Variants in SPNS1 observed in about 807,000 individuals in gnomAD.
SPNS1 encodes protein spinster homolog 1.
A neutral mutation model predicts 50.3 loss-of-function variants in SPNS1; 22 were observed. The observed-to-expected ratio is 0.44, with a 90% CI of 0.31 to 0.62. The LOEUF is 0.62. Among genes scored for constraint, SPNS1 ranks in the 20% least tolerant of loss-of-function variants. The probability of loss-of-function intolerance (pLI) is 0.07; values close to 1 mark genes in which losing one functional copy is unlikely to be tolerated. For missense variants in SPNS1, 576 were observed against 728.6 expected (o/e 0.79, Z 2.41); for synonymous variants, 295 against 317.4 (o/e 0.93, Z 0.75).
In SPNS1 at chr16:28,979,533, C is replaced by T. The variant is rs747865111; in HGVS notation, c.663+62C>T. On this transcript the variant is annotated intron_variant, in intron 5 of 11. Transcript: ENST00000311008. ...GTTCTCACTGATCCCTGTTTCCTAC[C>T]TTTGGACCCCTTCCCACCGCCCATT... is the stretch of plus-strand genomic sequence containing the variant. 3.9e-6 allele frequency: 6 copies of T among 1,555,342 alleles called. No individual in the cohort carries two copies. In the Admixed American group the frequency reaches 8.4e-5, roughly 22 times the overall value.
At chr16:28,976,005 C>T (rs908298016) in intron 2 of SPNS1, among the ~76,000 whole-genome samples, 1 of 152,186 alleles carries the variant, frequency 6.6e-6, no homozygotes, top group Non-Finnish European at 1.5e-5. Flanking sequence ...GGTGTGGTGA[C>T]TCACGCCTGT....
chr16:28,977,887 T>C (rs1417274949), intron 2 of SPNS1, 21 bp from the exon 3 acceptor site: 2 of 1,612,132 alleles, frequency 1.2e-6, no homozygotes, highest in East Asian at 4.5e-5. Flanking sequence ...GGCTGAGCTG[T>C]GACTCTCTGC....
Position 28,979,326 on chromosome 16 carries a change from G to A in SPNS1, c.596+20G>A, listed in dbSNP as rs369747773. On this transcript the variant is annotated intron_variant, in intron 4 of 11. Transcript: ENST00000311008. ...GGGCAGGTGAGTGGGCCTGGGGCCT[G>A]GGGGAAGGCAGAAGGGCCTGGTGTG... The A allele has an allele frequency of 7.4e-6, 12 of 1,614,012 alleles. No homozygotes were observed. Among genetic ancestry groups the A allele is most frequent in the African/African-American group, 2.7e-5 (2 of 74,926 alleles).
At position 28,974,867 on chromosome 16, in the gene SPNS1, A is replaced by G. The variant is rs544593872; in HGVS notation, c.-285A>G. The G allele has an allele frequency of 3.3e-5, 51 of 1,535,088 alleles. No homozygotes were observed. The African/African-American group carries it at 6.3e-4, about 19-fold the overall frequency. On this transcript the variant is annotated 5_prime_UTR_variant, in exon 1 of 12. Coordinates refer to ENST00000311008, the MANE Select transcript of SPNS1 (RefSeq NM_032038.3). ...GTGCAGCGGGCTCCTACCCCGGGTG[A>G]GGGGTGGCCTCCGCGTGGGATCGTG...
rs1361530165 is a variant in SPNS1 at position 28,983,607 on chromosome 16, T to C, written c.1321-179T>C. Among the ~76,000 whole-genome samples, 1 of 152,056 alleles carries C rather than the reference T, an allele frequency of 6.6e-6. No homozygotes were observed. The highest frequency in any genetic ancestry group is 1.9e-4 in the East Asian group (1 of 5,186). ...GCCTCGACCTCCTGGGCTCAAGCGATCCTCCCACCTCAGCCTCCTGAGTAG... is the reference window on the plus strand; with the variant it reads ...GCCTCGACCTCCTGGGCTCAAGCGACCCTCCCACCTCAGCCTCCTGAGTAG... On this transcript the variant is annotated intron_variant, in intron 10 of 11. Transcript: ENST00000311008. The surrounding 1 kb of genome is among the most constrained non-coding windows in gnomAD (Gnocchi z 5.4).
At position 28,982,942 on chromosome 16, in the gene SPNS1, C is replaced by T. The variant is rs372684773; in HGVS notation, c.1221+20C>T. 15 of 1,613,134 alleles carry T rather than the reference C, an allele frequency of 9.3e-6. No homozygotes were observed. In the South Asian group the frequency reaches 1.3e-4, roughly 14 times the overall value. On this transcript the variant is annotated intron_variant, in intron 9 of 11. Coordinates refer to ENST00000311008, the MANE Select transcript of SPNS1 (RefSeq NM_032038.3). ...CTGCTGGTGAGTTGCTGGGCAGCTCCAGGGTCAGCGCAGAGGCTGATGAGA... is the reference window on the plus strand; with the variant it reads ...CTGCTGGTGAGTTGCTGGGCAGCTCTAGGGTCAGCGCAGAGGCTGATGAGA...
chr16:28,984,364 C>A lies in SPNS1; in HGVS notation c.*65C>A. 6.6e-7 allele frequency: 1 copy of A among 1,508,622 alleles called. No homozygotes were observed. The highest frequency in any genetic ancestry group is 9.1e-7 in the Non-Finnish European group (1 of 1,103,396). The allele number at this position is 1,508,622 out of a possible 1,614,324, so 93.5% of individuals were successfully genotyped here. A position where few individuals can be genotyped will look rare whatever the true frequency, so the allele number is the denominator to read the frequency against. On this transcript the variant is annotated 3_prime_UTR_variant, in exon 12 of 12. Coordinates refer to ENST00000311008, the MANE Select transcript of SPNS1 (RefSeq NM_032038.3). ...GCCCTGGGCCCACCCCACGAAGGGCCTGGGCCTAACCCCTTGGCCTGGCCC... is the reference window on the plus strand; with the variant it reads ...GCCCTGGGCCCACCCCACGAAGGGCATGGGCCTAACCCCTTGGCCTGGCCC...
chr16:28,981,554 T>C lies in SPNS1; in HGVS notation c.748T>C (p.Ser250Pro). Reference sequence around the variant, plus strand: ...GCCAAGGGGAGCCGTGGAGCGCCACTCAGATTTGCCACCCCTGAACCCCAC... The same window carrying C: ...GCCAAGGGGAGCCGTGGAGCGCCACCCAGATTTGCCACCCCTGAACCCCAC... Reference protein sequence around the residue: ...EPPRGAVERHSDLPPLNPTSW... With the variant: ...EPPRGAVERHPDLPPLNPTSW... The change falls in exon 6 of 12, where the codon TCA becomes CCA. Residue 250 changes from serine (S) to proline (P), a missense_variant. Ser to Pro is a moderately conservative substitution (Grantham distance 74). This residue lies in a region of SPNS1 where 428 missense variants were observed against 520.1 expected (regional missense o/e 0.82). Coordinates refer to ENST00000311008, the MANE Select transcript of SPNS1 (RefSeq NM_032038.3). This position sits in a 1 kb window ranked among gnomAD's most constrained non-coding sequence, Gnocchi z 4.2. 1 of 1,614,100 alleles carries C rather than the reference T, an allele frequency of 6.2e-7. No homozygotes were observed. The highest frequency in any genetic ancestry group is 8.5e-7 in the Non-Finnish European group (1 of 1,180,018).
chr16:28,978,815 C>T, intron 3 of SPNS1: 4 of 254,838 alleles, frequency 1.6e-5, no homozygotes, highest in Non-Finnish European at 2.3e-5. Context: ...TCTAAGGTCA[C>T]TTATTCATTA....
At chr16:28,977,680 A>T (rs1965391820) in intron 2 of SPNS1, among the ~76,000 whole-genome samples, 1 of 152,160 alleles carries the variant, frequency 6.6e-6, no homozygotes, top group African/African-American at 2.4e-5. Context: ...GGAATTGACA[A>T]GTAGTGGGAC....
At chr16:28,984,083 C>T in intron 11 of SPNS1, 122 bp from the exon 12 acceptor site, 2 of 1,434,038 alleles carry the variant, frequency 1.4e-6, no homozygotes, top group South Asian at 1.4e-5. Context: ...TCCAGTCTGT[C>T]TGCATCCACC....
chr16:28,984,184 G>C (rs1417105655), intron 11 of SPNS1, 21 bp from the exon 12 acceptor site: 3 of 1,546,636 alleles, frequency 1.9e-6, no homozygotes, highest in Admixed American at 3.9e-5. Flanking sequence ...GCTCACCCTG[G>C]CTCTGACCCT....
Position 28,982,847 on chromosome 16 carries a change from C to T in SPNS1, c.1156-10C>T. On this transcript the variant is annotated splice_polypyrimidine_tract_variant and intron_variant, in intron 8 of 11. Coordinates refer to ENST00000311008, the MANE Select transcript of SPNS1 (RefSeq NM_032038.3). Reference sequence around the variant, plus strand: ...TACTGTCATGAACCCCCGACCCTCTCTTCCCCCAGATTTTCATCTTCATTG... The same window carrying T: ...TACTGTCATGAACCCCCGACCCTCTTTTCCCCCAGATTTTCATCTTCATTG... 1.2e-6 allele frequency: 2 copies of T among 1,613,902 alleles called. No homozygotes were observed. The highest frequency in any genetic ancestry group is 3.3e-5 in the Admixed American group (2 of 60,004).
At position 28,974,891 on chromosome 16, in the gene SPNS1, T is replaced by C. The variant is rs1965276820; in HGVS notation, c.-261T>C. 6.5e-7 allele frequency: 1 copy of C among 1,532,570 alleles called. No homozygotes were observed. The allele number at this position is 1,532,570 out of a possible 1,614,324, so 94.9% of individuals were successfully genotyped here. Reference sequence around the variant, plus strand: ...GAGGGGTGGCCTCCGCGTGGGATCGTGCCCTCTTCAGCCCGCTCCTGTCCC... The same window carrying C: ...GAGGGGTGGCCTCCGCGTGGGATCGCGCCCTCTTCAGCCCGCTCCTGTCCC... On this transcript the variant is annotated 5_prime_UTR_variant, in exon 1 of 12. Coordinates refer to ENST00000311008, the MANE Select transcript of SPNS1 (RefSeq NM_032038.3).
intron 3 of SPNS1, 99 bp downstream of exon 3, chr16:28,978,143 C>T: frequency 1.3e-6 from 2 of 1,496,250 alleles, no homozygotes; most frequent in Non-Finnish European, 1.8e-6. Flanking sequence ...CTCAGGGACT[C>T]CTGCAGTTTC....
chr16:28,976,800 C>T (rs1193988745), intron 2 of SPNS1, among the ~76,000 whole-genome samples: 1 of 152,190 alleles, frequency 6.6e-6, no homozygotes, highest in African/African-American at 2.4e-5. Context: ...TGAGTTAGAG[C>T]AGCAGCTCTT....
chr16:28,984,180 C>T (rs1249334973), intron 11 of SPNS1, 25 bp from the exon 12 acceptor site: 2 of 1,542,716 alleles, frequency 1.3e-6, no homozygotes, highest in South Asian at 2.5e-5. Context: ...TCCAGCTCAC[C>T]CTGGCTCTGA....
chr16:28,981,810 T>C lies in SPNS1; in HGVS notation c.810-91T>C. On this transcript the variant is annotated intron_variant, in intron 6 of 11. Transcript: ENST00000311008. This position sits in a 1 kb window ranked among gnomAD's most constrained non-coding sequence, Gnocchi z 4.2. ...CCACCTCTGCACGGTGTTGTGACCT[T>C]ACTAAAATAAGCCAGGAAGGGAGAA... 1 of 1,559,790 alleles carries C rather than the reference T, an allele frequency of 6.4e-7. No individual in the cohort carries two copies. Among genetic ancestry groups the C allele is most frequent in the Non-Finnish European group, 8.8e-7 (1 of 1,140,530 alleles).
chr16:28,979,035 G>A, intron 3 of SPNS1, 120 bp from the exon 4 acceptor site: 1 of 1,268,152 alleles, frequency 7.9e-7, no homozygotes, highest in Non-Finnish European at 1.1e-6. Context: ...TCAGGTCTGT[G>A]TGATTCTAAA....
Sources: gnomAD v4.1 joint callset for allele counts (sites outside exome capture counted in the v4.1 genomes callset) on GRCh38, gnomAD v4.1.1 for gene constraint, gnomAD v4.1.1 regional missense constraint, Gnocchi (gnomAD v3.1) non-coding constraint, MANE v1.5 for transcripts, NCBI Gene and HGNC (gene_info 2026-07-23, HGNC 2026-07-21) for gene names.